ADAMTSL1: variants seen among roughly 807,000 people sequenced by gnomAD.
ADAMTSL1 encodes the protein ADAMTS-like protein 1.
In ADAMTSL1, 126 loss-of-function variants were observed where a neutral mutation model predicts 201.8. That is an observed-to-expected ratio of 0.62 (90% CI 0.54 to 0.72). ADAMTSL1 has a LOEUF of 0.72. Ranked by LOEUF, ADAMTSL1 falls within the 30% of genes least tolerant of loss-of-function variation. The pLI is 0.00. For synonymous variants in ADAMTSL1, 1,121 were observed against 903.4 expected (o/e 1.24, Z -4.32); for missense variants, 2,679 against 2,277.8 (o/e 1.18, Z -3.59).
chr9:18,559,100 G>A (rs1237930361), intron 3 of ADAMTSL1, among the ~76,000 whole-genome samples: 1 of 152,024 alleles, frequency 6.6e-6, no homozygotes, highest in Non-Finnish European at 1.5e-5. Context: ...TGTCCTGAAT[G>A]GTATTGCCTA....
intron 2 of ADAMTSL1, among the ~76,000 whole-genome samples, chr9:18,290,155 A>AT (rs1338749888): frequency 2.0e-5 from 3 of 152,226 alleles, no homozygotes; most frequent in Non-Finnish European, 4.4e-5. Flanking sequence ...AGAAGAGGTG[A>AT]TTCAACTTGA....
intron 2 of ADAMTSL1, among the ~76,000 whole-genome samples, chr9:18,430,324 G>T (rs1587181618): frequency 6.6e-6 from 1 of 152,250 alleles, no homozygotes; most frequent in Middle Eastern, 3.4e-3. Context: ...ACCCACAATG[G>T]CTTCCCAAAG....
At chr9:18,842,413 T>C (rs11515233) in intron 23 of ADAMTSL1, among the ~76,000 whole-genome samples, 28,113 of 152,164 alleles carry the variant, frequency 0.18, 2,620 homozygotes, top group Middle Eastern at 0.3. Context: ...CAGTTTGTTA[T>C]AATTTCTGTT....
At chr9:18,191,420 C>T (rs185902867) in intron 2 of ADAMTSL1, among the ~76,000 whole-genome samples, 4 of 152,188 alleles carry the variant, frequency 2.6e-5, no homozygotes, top group East Asian at 1.9e-4. Context: ...GCATCTCAGG[C>T]GACAGAGACC....
At chr9:18,124,102 A>G (rs1323084070) in intron 1 of ADAMTSL1, among the ~76,000 whole-genome samples, 55 of 21,494 alleles carry the variant, frequency 2.6e-3, no homozygotes, top group African/African-American at 7.2e-3. Flanking sequence ...TTTTTTTTTG[A>G]GATGGAGTTT....
intron 1 of ADAMTSL1, among the ~76,000 whole-genome samples, chr9:17,978,219 A>G (rs770571522): frequency 6.6e-6 from 1 of 151,988 alleles, no homozygotes; most frequent in Admixed American, 6.6e-5. Context: ...GTTTTGTAGG[A>G]GGCATATAGT....
At chr9:18,430,546 A>G (rs1213070798) in intron 2 of ADAMTSL1, among the ~76,000 whole-genome samples, 1 of 152,172 alleles carries the variant, frequency 6.6e-6, no homozygotes, top group Admixed American at 6.5e-5. Context: ...TGCTTTAGAC[A>G]CATATTTTGT....
chr9:18,260,660 T>C (rs889804862), intron 2 of ADAMTSL1, among the ~76,000 whole-genome samples: 3 of 152,172 alleles, frequency 2.0e-5, no homozygotes, highest in Non-Finnish European at 4.4e-5. Flanking sequence ...GGTTGCCTAC[T>C]TGTTGCCTCT....
chr9:18,728,386 T>C (rs1335344721), intron 15 of ADAMTSL1, among the ~76,000 whole-genome samples: 1 of 152,134 alleles, frequency 6.6e-6, no homozygotes, highest in Non-Finnish European at 1.5e-5. Context: ...GAAATGTCTT[T>C]ATATAGACCG....
chr9:18,440,603 A>G (rs961010371), intron 2 of ADAMTSL1, among the ~76,000 whole-genome samples: 7 of 149,076 alleles, frequency 4.7e-5, no homozygotes, highest in Non-Finnish European at 1.0e-4. Flanking sequence ...CAGATGTATA[A>G]TATATATATA....
intron 20 of ADAMTSL1, among the ~76,000 whole-genome samples, chr9:18,811,562 T>G (rs906119010): frequency 2.6e-5 from 4 of 152,210 alleles, no homozygotes; most frequent in African/African-American, 9.6e-5. Flanking sequence ...TAACCTGCAC[T>G]GGGTAGTAAC....
At chr9:18,101,329 C>T (rs916559855) in intron 1 of ADAMTSL1, among the ~76,000 whole-genome samples, 19 of 151,854 alleles carry the variant, frequency 1.3e-4, no homozygotes, top group Admixed American at 1.2e-3. Flanking sequence ...AACCCCGTAT[C>T]TACTAAAAAA....
intron 2 of ADAMTSL1, among the ~76,000 whole-genome samples, chr9:18,267,774 ACAAAAAC>A (rs1170545506): frequency 2.3e-5 from 3 of 132,690 alleles, no homozygotes; most frequent in African/African-American, 5.3e-5. Flanking sequence ...AAAAAAAAAA[ACAAAAAC>A]AAAAACAAAA....
intron 1 of ADAMTSL1, among the ~76,000 whole-genome samples, chr9:18,109,836 G>C (rs1296106583): frequency 6.6e-6 from 1 of 152,174 alleles, no homozygotes. Context: ...GTAACCTGTA[G>C]TCACACCCCT....
chr9:18,864,668 G>A (rs1427658469), intron 23 of ADAMTSL1, among the ~76,000 whole-genome samples: 1 of 152,180 alleles, frequency 6.6e-6, no homozygotes, highest in African/African-American at 2.4e-5. Flanking sequence ...GTCCTCATCT[G>A]TCCAACTCAG....
chr9:18,286,530 G>C (rs918370914), intron 2 of ADAMTSL1, among the ~76,000 whole-genome samples: 1 of 152,152 alleles, frequency 6.6e-6, no homozygotes, highest in Non-Finnish European at 1.5e-5. Flanking sequence ...TGCATCCAAA[G>C]ATAATGATAG....
chr9:18,719,024 T>C (rs991925067), intron 14 of ADAMTSL1, among the ~76,000 whole-genome samples: 1 of 152,230 alleles, frequency 6.6e-6, no homozygotes, highest in East Asian at 1.9e-4. Flanking sequence ...TTCTCATCAC[T>C]ACCTTAATAA....
At chr9:18,657,818 A>G in intron 8 of ADAMTSL1, 68 bp downstream of exon 8, 1 of 1,315,936 alleles carries the variant, frequency 7.6e-7, no homozygotes, top group East Asian at 2.3e-5. Context: ...TTATAAGAGT[A>G]GAGTTACTTC....
intron 1 of ADAMTSL1, among the ~76,000 whole-genome samples, chr9:17,976,002 G>A (rs796718021): frequency 1.1e-4 from 16 of 151,960 alleles, no homozygotes; most frequent in African/African-American, 3.9e-4. Flanking sequence ...TGTATTCTTG[G>A]CAACTTTGTT....
Sources: gnomAD v4.1 joint callset for allele counts (sites outside exome capture counted in the v4.1 genomes callset) on GRCh38, gnomAD v4.1.1 for gene constraint, MANE v1.5 for transcripts, NCBI Gene and HGNC (gene_info 2026-07-23, HGNC 2026-07-21) for gene names.